FOCAD: variants seen among roughly 807,000 people sequenced by gnomAD.
The protein encoded by FOCAD is focadhesin, also known as KIAA1797.
FOCAD carries 198 observed loss-of-function variants against 225.6 expected under a neutral mutation model. The observed-to-expected ratio is 0.88, with a 90% CI of 0.78 to 0.99. The LOEUF is 0.99. Among genes scored for constraint, FOCAD ranks in the 50% least tolerant of loss-of-function variants. FOCAD has a pLI of 0.00. For synonymous variants in FOCAD, 897 were observed against 755.0 expected, an observed-to-expected ratio of 1.19 and a Z score of -3.08; for missense variants, 2,713 against 2,123.6, an observed-to-expected ratio of 1.28 and a Z score of -5.46.
At position 20,783,355 on chromosome 9, in the gene FOCAD, A is replaced by G. The variant is rs1187413491; in HGVS notation, c.1197+1426A>G. On this transcript the variant is annotated intron_variant, in intron 10 of 43. Transcript: ENST00000338382. The stretch of plus-strand genomic sequence containing the variant: ...GTAGATATATGATCACTGTTTTAAA[A>G]AATGTAAGCCACATTTTACTGTTGG... Among the ~76,000 whole-genome samples, 3 of 152,304 alleles carry G rather than the reference A, an allele frequency of 2.0e-5. No homozygotes were observed. In the East Asian group the frequency reaches 5.8e-4, roughly 29 times the overall value.
chr9:20,667,718 A>G (rs993811654), intron 2 of FOCAD, among the ~76,000 whole-genome samples: 1 of 152,218 alleles, frequency 6.6e-6, no homozygotes, highest in African/African-American at 2.4e-5. Flanking sequence ...CAGGAATAAT[A>G]CTGCTTCATG....
rs1404714742 is a variant in FOCAD at position 20,904,678 on chromosome 9, T to C, written c.2626-2472T>C. On this transcript the variant is annotated intron_variant, in intron 21 of 43. Coordinates refer to ENST00000338382, the MANE Select transcript of FOCAD (RefSeq NM_001375567.1). ...CATCAGATAGCTGTCATTGCAAGAG[T>C]ATGAGTAGTTATAGAAAAAAATTTC... 2.6e-5 allele frequency among the ~76,000 whole-genome samples: 4 copies of C among 151,974 alleles called. No homozygotes were observed. The South Asian group carries it at 8.3e-4, about 31-fold the overall frequency.
upstream of FOCAD, among the ~76,000 whole-genome samples, chr9:20,656,323 G>T (rs894441721): frequency 3.3e-5 from 5 of 151,830 alleles, no homozygotes; most frequent in Non-Finnish European, 5.9e-5. Flanking sequence ...TTCAATTCCT[G>T]GGTATCCTTG....
At chr9:20,756,515 A>C (rs1372343312) in intron 5 of FOCAD, among the ~76,000 whole-genome samples, 1 of 152,218 alleles carries the variant, frequency 6.6e-6, no homozygotes, top group East Asian at 1.9e-4. Context: ...AGAATTTTAA[A>C]AAATTGCTAG....
At position 20,720,541 on chromosome 9, in the gene FOCAD, T is replaced by G. The variant is rs755112245; in HGVS notation, c.287+7T>G. On this transcript the variant is annotated splice_region_variant and intron_variant, in intron 4 of 43. Coordinates refer to ENST00000338382, the MANE Select transcript of FOCAD (RefSeq NM_001375567.1). ...ACTTGATTCCATCAACCAGGTACTTTTTCCTCAGTGTTTGGTCAGTTAATG... is the reference window on the plus strand; with the variant it reads ...ACTTGATTCCATCAACCAGGTACTTGTTCCTCAGTGTTTGGTCAGTTAATG... 6 of 1,613,172 alleles carry G rather than the reference T, an allele frequency of 3.7e-6. No homozygotes were observed. Among genetic ancestry groups the G allele is most frequent in the Non-Finnish European group, 3.4e-6 (4 of 1,179,688 alleles).
intron 21 of FOCAD, among the ~76,000 whole-genome samples, chr9:20,897,785 A>G (rs376787149): frequency 1.3e-5 from 2 of 151,820 alleles, no homozygotes; most frequent in South Asian, 4.1e-4. Context: ...ATCAATTAAG[A>G]ATAGGAAAAT....
chr9:20,898,327 T>C (rs1832275496), intron 21 of FOCAD, among the ~76,000 whole-genome samples: 1 of 151,908 alleles, frequency 6.6e-6, no homozygotes, highest in African/African-American at 2.4e-5. Flanking sequence ...TTCTGTTTTT[T>C]TTTTCTCGCT....
At chr9:20,787,031 G>T in intron 10 of FOCAD, 1 of 423,172 alleles carries the variant, frequency 2.4e-6, no homozygotes, top group Non-Finnish European at 4.7e-6. Context: ...TGTGCCAGTG[G>T]CAGCTGTCAC....
At chr9:20,864,483 C>G (rs538079000) in intron 16 of FOCAD, among the ~76,000 whole-genome samples, 7 of 152,072 alleles carry the variant, frequency 4.6e-5, no homozygotes, top group Admixed American at 3.9e-4. Context: ...TCTTTTTCCT[C>G]TTTAATTTAA....
chr9:20,754,497 C>T lies in FOCAD; in HGVS notation c.393-3593C>T, dbSNP rs900052694. On this transcript the variant is annotated intron_variant, in intron 5 of 43. Coordinates refer to ENST00000338382, the MANE Select transcript of FOCAD (RefSeq NM_001375567.1). ...AGAAAATCACAACTCTGATCTTGATCGATTAACTACTTTTCATTCAGTGTT... is the reference window on the plus strand; with the variant it reads ...AGAAAATCACAACTCTGATCTTGATTGATTAACTACTTTTCATTCAGTGTT... 2.0e-4 allele frequency among the ~76,000 whole-genome samples: 30 copies of T among 151,032 alleles called. No homozygotes were observed. The East Asian group carries it at 3.9e-3, about 19-fold the overall frequency.
chr9:20,886,254 A>C (rs956354245), intron 21 of FOCAD, among the ~76,000 whole-genome samples: 2 of 152,218 alleles, frequency 1.3e-5, no homozygotes, highest in African/African-American at 4.8e-5. Flanking sequence ...ATTCAACTAA[A>C]AAGAGAAGAA....
rs939002074 is a variant in FOCAD at position 20,929,719 on chromosome 9, G to A, written c.3317+123G>A. On this transcript the variant is annotated intron_variant, in intron 27 of 43. Coordinates refer to ENST00000338382, the MANE Select transcript of FOCAD (RefSeq NM_001375567.1). Reference sequence around the variant, plus strand: ...AATATGTGTTTGCTAAACTTTCTGAGATGGGCAAGTTGATCCTTTATTCTT... The same window carrying A: ...AATATGTGTTTGCTAAACTTTCTGAAATGGGCAAGTTGATCCTTTATTCTT... 6 of 726,780 alleles carry A rather than the reference G, an allele frequency of 8.3e-6. No individual in the cohort carries two copies. The East Asian group carries it at 1.5e-4, about 18-fold the overall frequency. The allele number at this position is 726,780 out of a possible 1,614,324, so 45.0% of individuals were successfully genotyped here. A position where few individuals can be genotyped will look rare whatever the true frequency, so the allele number is the denominator to read the frequency against.
intron 10 of FOCAD, among the ~76,000 whole-genome samples, chr9:20,788,194 A>C (rs1820133925): frequency 6.6e-6 from 1 of 152,236 alleles, no homozygotes; most frequent in African/African-American, 2.4e-5. Context: ...AATCATGCTA[A>C]GTGAAAGAAG....
At chr9:20,885,027 C>G in intron 20 of FOCAD, 82 bp from the exon 21 acceptor site, 6 of 871,614 alleles carry the variant, frequency 6.9e-6, no homozygotes, top group Non-Finnish European at 8.7e-6. Flanking sequence ...CCACTGCACT[C>G]CAGCCTGGGC....
At position 20,912,993 on chromosome 9, in the gene FOCAD, G is replaced by C. The variant is rs372925344; in HGVS notation, c.2807+39G>C. ...TTCAGCTGCCCATTATTTGTCATGG[G>C]AAGTGAGCTATGAGGGGAAAGGTAA... On this transcript the variant is annotated intron_variant, in intron 23 of 43. Transcript: ENST00000338382. 2.9e-5 allele frequency: 45 copies of C among 1,541,390 alleles called. No homozygotes were observed. The African/African-American group carries it at 5.2e-4, about 18-fold the overall frequency.
intron 14 of FOCAD, 125 bp downstream of exon 14, chr9:20,821,196 C>G: frequency 2.6e-6 from 2 of 778,576 alleles, no homozygotes; most frequent in Non-Finnish European, 1.8e-6. Context: ...AATTTTTTAA[C>G]TTAAGTTTTC....
chr9:20,890,549 A>G (rs1056907185), intron 21 of FOCAD, among the ~76,000 whole-genome samples: 5 of 151,912 alleles, frequency 3.3e-5, no homozygotes, highest in Non-Finnish European at 7.4e-5. Flanking sequence ...TAGCCTATTT[A>G]TATATTGCTT....
At chr9:20,916,332 AATT>A (rs1379574412) in intron 23 of FOCAD, among the ~76,000 whole-genome samples, 1 of 152,154 alleles carries the variant, frequency 6.6e-6, no homozygotes, top group Non-Finnish European at 1.5e-5. Flanking sequence ...CCACAAGTAT[AATT>A]ATTTTCTTTT....
At chr9:20,881,731 G>A (rs1311518167) in intron 19 of FOCAD, 140 bp from the exon 20 acceptor site, 1 of 734,436 alleles carries the variant, frequency 1.4e-6, no homozygotes, top group Non-Finnish European at 2.2e-6. Flanking sequence ...GAAAGGGATA[G>A]GTATCAAGAG....
Sources: gnomAD v4.1 joint callset for allele counts (sites outside exome capture counted in the v4.1 genomes callset) on GRCh38, gnomAD v4.1.1 for gene constraint, MANE v1.5 for transcripts, NCBI Gene and HGNC (gene_info 2026-07-23, HGNC 2026-07-21) for gene names.